TNIP3: variants seen among roughly 807,000 people sequenced by gnomAD.
TNIP3 encodes the protein TNFAIP3-interacting protein 3.
TNIP3 carries 34 observed loss-of-function variants against 54.1 expected under a neutral mutation model. The ratio of observed to expected loss-of-function variants is 0.63; its 90% CI spans 0.48 to 0.84. The LOEUF (loss-of-function observed/expected upper bound fraction) is 0.84. TNIP3 is among the 40% of genes least tolerant of loss of function. The pLI is 0.00. For missense variants in TNIP3, 366 were observed against 387.6 expected, an observed-to-expected ratio of 0.94 and a Z score of 0.47; for synonymous variants, 134 against 136.8, an observed-to-expected ratio of 0.98 and a Z score of 0.14.
intron 2 of TNIP3, among the ~76,000 whole-genome samples, chr4:121,191,196 A>G (rs1331403145): frequency 2.0e-5 from 3 of 152,216 alleles, no homozygotes; most frequent in African/African-American, 7.2e-5. Context: ...GGAATGCACA[A>G]TCAAAGATTT....
intron 8 of TNIP3, 111 bp from the exon 9 acceptor site, chr4:121,142,025 G>T: frequency 1.7e-6 from 1 of 600,820 alleles, no homozygotes; most frequent in Non-Finnish European, 2.7e-6. Context: ...CACTTAATCT[G>T]GCATAATTAT....
chr4:121,161,313 C>A, intron 1 of TNIP3, 97 bp from the exon 2 acceptor site: 1 of 1,022,688 alleles, frequency 9.8e-7, no homozygotes. Flanking sequence ...GGCCAACTCT[C>A]CTGTTGCGAT....
chr4:121,141,189 G>C (rs1447180253), intron 9 of TNIP3, among the ~76,000 whole-genome samples: 1 of 152,144 alleles, frequency 6.6e-6, no homozygotes, highest in East Asian at 1.9e-4. Context: ...GAGGAGGGTA[G>C]GTGGAATACT....
intron 9 of TNIP3, among the ~76,000 whole-genome samples, chr4:121,141,235 C>T (rs941378583): frequency 6.6e-6 from 1 of 152,162 alleles, no homozygotes; most frequent in African/African-American, 2.4e-5. Flanking sequence ...CTTTGGGCCT[C>T]ACTAATTCAG....
intron 5 of TNIP3, among the ~76,000 whole-genome samples, chr4:121,153,926 C>G (rs1240611689): frequency 6.6e-6 from 1 of 152,038 alleles, no homozygotes; most frequent in Non-Finnish European, 1.5e-5. Flanking sequence ...GAAAAGTCAA[C>G]AGTATAGGAT....
upstream of TNIP3, among the ~76,000 whole-genome samples, chr4:121,165,852 G>T (rs185620410): frequency 2.3e-4 from 35 of 152,228 alleles, no homozygotes; most frequent in East Asian, 6.0e-3. Flanking sequence ...TGACTTTAGG[G>T]TACAGAAGCA....
intron 2 of TNIP3, among the ~76,000 whole-genome samples, chr4:121,205,309 G>T (rs997693229): frequency 6.6e-6 from 1 of 152,292 alleles, no homozygotes; most frequent in Middle Eastern, 3.4e-3. Flanking sequence ...TCTAAGGCTA[G>T]AGCTTGTGTG....
intron 2 of TNIP3, among the ~76,000 whole-genome samples, chr4:121,201,309 G>A (rs777283057): frequency 9.9e-5 from 15 of 152,182 alleles, no homozygotes; most frequent in Non-Finnish European, 2.1e-4. Context: ...GCAAGATGGC[G>A]TGTGGTCAAT....
At chr4:121,192,265 A>G (rs922094334) in intron 2 of TNIP3, among the ~76,000 whole-genome samples, 2 of 152,214 alleles carry the variant, frequency 1.3e-5, no homozygotes, top group African/African-American at 2.4e-5. Context: ...ATGTTAAGAA[A>G]TAATGGAATA....
chr4:121,196,018 C>G (rs1329219039), intron 2 of TNIP3, among the ~76,000 whole-genome samples: 1 of 152,222 alleles, frequency 6.6e-6, no homozygotes, highest in Non-Finnish European at 1.5e-5. Context: ...TTCATGGAGC[C>G]AGGCACTGCA....
At chr4:121,202,438 TA>T (rs1725943644) in intron 2 of TNIP3, among the ~76,000 whole-genome samples, 1 of 152,150 alleles carries the variant, frequency 6.6e-6, no homozygotes, top group African/African-American at 2.4e-5. Context: ...GACTTAAATA[TA>T]AGACCTGAAA....
At chr4:121,167,293 A>G (rs1258749043), upstream of TNIP3, among the ~76,000 whole-genome samples, 1 of 152,198 alleles carries the variant, frequency 6.6e-6, no homozygotes, top group Admixed American at 6.5e-5. Flanking sequence ...AAAACTAAAC[A>G]GTAAATGAAG....
At chr4:121,210,143 A>G (rs1726401182) in intron 2 of TNIP3, among the ~76,000 whole-genome samples, 1 of 152,192 alleles carries the variant, frequency 6.6e-6, no homozygotes, top group African/African-American at 2.4e-5. Context: ...AACTTTTGCT[A>G]TCACCTTTGC....
chr4:121,178,222 A>G (rs1724472050), intron 3 of TNIP3, among the ~76,000 whole-genome samples: 1 of 152,236 alleles, frequency 6.6e-6, no homozygotes, highest in South Asian at 2.1e-4. Context: ...TCATGAGAAA[A>G]TTGTTTAGCT....
chr4:121,158,777 T>C, intron 2 of TNIP3, 25 bp from the exon 3 acceptor site: 1 of 1,592,308 alleles, frequency 6.3e-7, no homozygotes, highest in Non-Finnish European at 8.6e-7. Context: ...ATTTGGTGAA[T>C]CAACAAAGAA....
At chr4:121,191,980 A>G (rs1284340089) in intron 2 of TNIP3, among the ~76,000 whole-genome samples, 1 of 152,230 alleles carries the variant, frequency 6.6e-6, no homozygotes, top group East Asian at 1.9e-4. Context: ...TAGATACCAT[A>G]TATTTAAGAG....
intron 3 of TNIP3, among the ~76,000 whole-genome samples, chr4:121,170,694 T>C (rs748970224): frequency 1.3e-5 from 2 of 152,160 alleles, no homozygotes; most frequent in Non-Finnish European, 2.9e-5. Context: ...TAATACTTTC[T>C]ACATTTTCAT....
chr4:121,143,200 G>A (rs755413350), intron 7 of TNIP3, among the ~76,000 whole-genome samples: 3 of 152,116 alleles, frequency 2.0e-5, no homozygotes, highest in Non-Finnish European at 4.4e-5. Context: ...ATCCCTCTAT[G>A]TGATACTTAA....
intron 1 of TNIP3, among the ~76,000 whole-genome samples, chr4:121,163,220 C>T (rs1374728029): frequency 6.6e-6 from 1 of 152,130 alleles, no homozygotes; most frequent in Admixed American, 6.6e-5. Context: ...AAATGTATCA[C>T]CAAAGCTTTC....
Sources: allele counts gnomAD v4.1 joint callset (sites outside exome capture counted in the v4.1 genomes callset), GRCh38; gene constraint gnomAD v4.1.1; transcripts MANE v1.5; gene names NCBI Gene and HGNC (gene_info 2026-07-23, HGNC 2026-07-21).